The following MYPN variants were observed in gnomAD, a reference collection of about 807,000 sequenced individuals.
MYPN encodes sarcomeric protein myopalladin, 145 kDa (MYOP).
Under a neutral mutation model 129.4 loss-of-function variants are expected in MYPN, and 63 were observed. The observed-to-expected ratio is 0.49, with a 90% CI of 0.40 to 0.60. The LOEUF (loss-of-function observed/expected upper bound fraction) is 0.60, where lower values mean the gene tolerates loss of function less well. Ranked by LOEUF, MYPN falls within the 20% of genes least tolerant of loss-of-function variation. The probability of loss-of-function intolerance (pLI) is 0.00; values close to 1 mark genes in which losing one functional copy is unlikely to be tolerated. For missense variants in MYPN, 1,596 were observed against 1,635.4 expected (o/e 0.98, Z 0.42); for synonymous variants, 629 against 600.9 (o/e 1.05, Z -0.68).
intron 8 of MYPN, among the ~76,000 whole-genome samples, chr10:68,164,185 T>C (rs2043020973): frequency 6.6e-6 from 1 of 152,232 alleles, no homozygotes; most frequent in Non-Finnish European, 1.5e-5. Flanking sequence ...CTTACAGTTC[T>C]GGAGGCTGGA....
chr10:68,158,725 A>G (rs1297599460), intron 7 of MYPN, 98 bp downstream of exon 7: 3 of 907,616 alleles, frequency 3.3e-6, no homozygotes, highest in East Asian at 2.7e-5. Flanking sequence ...TTAAAAATAT[A>G]GTCAAAAAGA....
rs2043903865 is a variant in MYPN at position 68,210,974 on chromosome 10, T to C, written c.*519T>C. The C allele has an allele frequency of 4.4e-6, 2 of 454,182 alleles. No individual in the cohort carries two copies. The highest frequency in any genetic ancestry group is 8.8e-6 in the Non-Finnish European group (2 of 226,842). 28.1% of individuals were successfully genotyped at this position (454,182 alleles called of 1,614,324 possible). A position where few individuals can be genotyped will look rare whatever the true frequency, so the allele number is the denominator to read the frequency against. On this transcript the variant is annotated 3_prime_UTR_variant, in exon 20 of 20. Transcript: ENST00000358913. ...GCTTCCACTTAGCATTAGGAGGTCA[T>C]GCCATACAACTCACGTATGCGGGCA...
chr10:68,205,460 C>T lies in MYPN; in HGVS notation c.3660-1310C>T, dbSNP rs141880004. Among the ~76,000 whole-genome samples, 1,410 of 151,490 alleles carry T rather than the reference C, an allele frequency of 9.3e-3. 10 individuals are homozygous for T. Among genetic ancestry groups the T allele is most frequent in the Non-Finnish European group, 0.014 (983 of 67,918 alleles). On this transcript the variant is annotated intron_variant, in intron 18 of 19. Coordinates refer to ENST00000358913, the MANE Select transcript of MYPN (RefSeq NM_032578.4). The stretch of plus-strand genomic sequence containing the variant: ...TTGGGAGGCTGAGGAGGGTGGATCA[C>T]CTGAGATCAGGAGTTCGAGACCAGC...
chr10:68,118,932 T>G, intron 1 of MYPN, among the ~76,000 whole-genome samples: 1 of 128,796 alleles, frequency 7.8e-6, no homozygotes, highest in African/African-American at 3.1e-5. Context: ...GAAGGAAATT[T>G]AAAAAACCAC....
In MYPN at chr10:68,210,810, G is replaced by A. The variant is rs1295408265; in HGVS notation, c.*355G>A. 2.1e-6 allele frequency: 1 copy of A among 466,264 alleles called. No individual in the cohort carries two copies. Among genetic ancestry groups the A allele is most frequent in the Admixed American group, 2.3e-5 (1 of 42,880 alleles). 28.9% of individuals were successfully genotyped at this position (466,264 alleles called of 1,614,324 possible). A position where few individuals can be genotyped will look rare whatever the true frequency, so the allele number is the denominator to read the frequency against. On this transcript the variant is annotated 3_prime_UTR_variant, in exon 20 of 20. Transcript: ENST00000358913. ...AGGAGCAATTAGGAGCCATATGCCTGGGCTGAGAAGAGCTAGGCAGTAGTG... is the reference window on the plus strand; with the variant it reads ...AGGAGCAATTAGGAGCCATATGCCTAGGCTGAGAAGAGCTAGGCAGTAGTG...
At chr10:68,151,023 G>A (rs538246216) in intron 6 of MYPN, among the ~76,000 whole-genome samples, 9 of 152,218 alleles carry the variant, frequency 5.9e-5, no homozygotes, top group Non-Finnish European at 7.4e-5. Context: ...GGGGGGTTGC[G>A]TTCCTGGCAT....
At chr10:68,140,389 A>G (rs2042557834) in intron 2 of MYPN, among the ~76,000 whole-genome samples, 1 of 152,192 alleles carries the variant, frequency 6.6e-6, no homozygotes, top group Non-Finnish European at 1.5e-5. Context: ...AGCATCCAAG[A>G]CACTGTCCTT....
At chr10:68,174,766 T>G (rs1356408737) in intron 11 of MYPN, 110 bp downstream of exon 11, 3 of 1,008,554 alleles carry the variant, frequency 3.0e-6, no homozygotes, top group Non-Finnish European at 4.6e-6. Context: ...CTAGATAATC[T>G]TATTCTCTTA....
Position 68,158,491 on chromosome 10 carries a change from A to G in MYPN, c.1323A>G (p.Leu441=). The change falls in exon 7 of 20, where the codon CTA becomes CTG. Residue 441 remains leucine, a synonymous_variant. Coordinates refer to ENST00000358913, the MANE Select transcript of MYPN (RefSeq NM_032578.4). ...IIAAPVFTKM[L]QNLSASEGQL... is the part of the protein sequence containing the mutation. ...CATTCTTCTTATCATTATAGATGCTACAAAATTTGTCAGCTTCTGAGGGTC... is the reference window on the plus strand; with the variant it reads ...CATTCTTCTTATCATTATAGATGCTGCAAAATTTGTCAGCTTCTGAGGGTC... 1 of 1,613,820 alleles carries G rather than the reference A, an allele frequency of 6.2e-7. No individual in the cohort carries two copies. Among genetic ancestry groups the G allele is most frequent in the Non-Finnish European group, 8.5e-7 (1 of 1,179,738 alleles).
chr10:68,194,797 T>C (rs1210670940), intron 14 of MYPN, among the ~76,000 whole-genome samples: 1 of 152,238 alleles, frequency 6.6e-6, no homozygotes, highest in Non-Finnish European at 1.5e-5. Flanking sequence ...TCTCAACACA[T>C]TGATTCTCTT....
chr10:68,110,594 A>G (rs925929017), intron 1 of MYPN, among the ~76,000 whole-genome samples: 16 of 152,220 alleles, frequency 1.1e-4, no homozygotes, highest in African/African-American at 3.9e-4. Flanking sequence ...GTATGATTCA[A>G]TTACTTTTAC....
At chr10:68,172,450 T>C (rs935264825) in intron 10 of MYPN, among the ~76,000 whole-genome samples, 1 of 152,248 alleles carries the variant, frequency 6.6e-6, no homozygotes, top group Non-Finnish European at 1.5e-5. Flanking sequence ...GGTTACTCAT[T>C]CAACAGTAGA....
chr10:68,182,799 C>T (rs993936721), intron 12 of MYPN, among the ~76,000 whole-genome samples: 1 of 152,062 alleles, frequency 6.6e-6, no homozygotes, highest in Non-Finnish European at 1.5e-5. Flanking sequence ...TGAGCCACCA[C>T]GCCCGGTCTC....
intron 1 of MYPN, among the ~76,000 whole-genome samples, chr10:68,116,491 T>G (rs2042159062): frequency 6.6e-6 from 1 of 152,230 alleles, no homozygotes; most frequent in South Asian, 2.1e-4. Context: ...AGGTTTCTGA[T>G]TATAATCAGA....
At chr10:68,118,792 C>T (rs925197472) in intron 1 of MYPN, among the ~76,000 whole-genome samples, 16 of 151,418 alleles carry the variant, frequency 1.1e-4, no homozygotes, top group Non-Finnish European at 2.1e-4. Flanking sequence ...TATGATCATG[C>T]CACTGTGCTC....
chr10:68,161,220 G>T (rs879544033), intron 7 of MYPN, among the ~76,000 whole-genome samples: 10 of 152,084 alleles, frequency 6.6e-5, no homozygotes, highest in Non-Finnish European at 1.5e-4. Context: ...CTTGGGCAAG[G>T]CACAGTGGCT....
chr10:68,101,406 C>T (rs1413301931), upstream of MYPN, among the ~76,000 whole-genome samples: 1 of 152,184 alleles, frequency 6.6e-6, no homozygotes, highest in Non-Finnish European at 1.5e-5. Context: ...GATTGGGATG[C>T]TCACATTTCT....
chr10:68,119,268 A>G (rs1448136432), intron 1 of MYPN, among the ~76,000 whole-genome samples: 3 of 152,166 alleles, frequency 2.0e-5, no homozygotes, highest in Non-Finnish European at 2.9e-5. Flanking sequence ...CTATTTAATG[A>G]GTAATAATTT....
chr10:68,134,829 A>C (rs1309660174), intron 2 of MYPN, among the ~76,000 whole-genome samples: 1 of 152,168 alleles, frequency 6.6e-6, no homozygotes, highest in African/African-American at 2.4e-5. Context: ...AAATTAAATT[A>C]AATAGGATAT....
Sources: allele counts gnomAD v4.1 joint callset (sites outside exome capture counted in the v4.1 genomes callset), GRCh38; gene constraint gnomAD v4.1.1; transcripts MANE v1.5; gene names NCBI Gene and HGNC (gene_info 2026-07-23, HGNC 2026-07-21).